Variants in STYK1 observed in about 807,000 individuals in gnomAD.
STYK1 encodes STY kinase 1.
Under a neutral mutation model 48.1 loss-of-function variants are expected in STYK1, and 46 were observed. The ratio of observed to expected loss-of-function variants is 0.96; its 90% CI spans 0.75 to 1.22. The LOEUF (loss-of-function observed/expected upper bound fraction) is 1.22. Ranked by LOEUF, STYK1 falls within the 50% of genes most tolerant of loss-of-function variation. The pLI is 0.00. For synonymous variants in STYK1, 188 were observed against 189.0 expected (o/e 0.99, Z 0.04); for missense variants, 527 against 521.1 (o/e 1.01, Z -0.11).
At chr12:10,622,511 T>G in intron 9 of STYK1, 127 bp downstream of exon 9, 1 of 1,014,742 alleles carries the variant, frequency 9.9e-7, no homozygotes, top group Non-Finnish European at 1.5e-6. Context: ...TTAGATAACA[T>G]GTCAGTCCAT....
At chr12:10,660,372 A>G (rs1463349836) in intron 1 of STYK1, among the ~76,000 whole-genome samples, 1 of 152,196 alleles carries the variant, frequency 6.6e-6, no homozygotes, top group African/African-American at 2.4e-5. Context: ...AGGTATCAAT[A>G]TCATTGCCAC....
chr12:10,627,834 A>T, intron 6 of STYK1, 110 bp from the exon 7 acceptor site: 1 of 875,154 alleles, frequency 1.1e-6, no homozygotes, highest in Non-Finnish European at 1.7e-6. Context: ...AAGCTTTGAA[A>T]AATATAAGGA....
At chr12:10,643,557 A>C (rs1947567724) in intron 1 of STYK1, among the ~76,000 whole-genome samples, 1 of 152,222 alleles carries the variant, frequency 6.6e-6, no homozygotes, top group Non-Finnish European at 1.5e-5. Flanking sequence ...ATTCACTCAG[A>C]TGTTAAATAA....
chr12:10,655,434 G>A (rs977430703), intron 1 of STYK1, among the ~76,000 whole-genome samples: 2 of 152,178 alleles, frequency 1.3e-5, no homozygotes, highest in Non-Finnish European at 2.9e-5. Flanking sequence ...AGAAGGCAAT[G>A]GAAACTTCCC....
Position 10,651,852 on chromosome 12 carries a change from T to C in STYK1, c.-194-14656A>G, listed in dbSNP as rs115696592. On this transcript the variant is annotated intron_variant, in intron 1 of 10. Transcript: ENST00000075503. ...TGTATCTACTTTTTTAAGTCTTAAA[T>C]TGTCAATTGTTCTATTCTTTTTTTT... Among the ~76,000 whole-genome samples the C allele has an allele frequency of 9.7e-3, 1,317 of 136,000 alleles. 19 individuals carry two copies. Among genetic ancestry groups the C allele is most frequent in the African/African-American group, 0.032 (1,235 of 38,746 alleles). 89.2% of individuals were successfully genotyped at this position (136,000 alleles called of 152,430 possible).
Position 10,619,941 on chromosome 12 carries a change from G to A in STYK1, c.*203C>T. On this transcript the variant is annotated 3_prime_UTR_variant, in exon 11 of 11. Coordinates refer to ENST00000075503, the MANE Select transcript of STYK1 (RefSeq NM_018423.3). ...TTTCTAGGACTGGGACAGCAGAAGT[G>A]AGACTGACAGTATGTCTTAGCTCAG... The A allele has an allele frequency of 3.2e-6, 2 of 628,478 alleles. No homozygotes were observed. Among genetic ancestry groups the A allele is most frequent in the Non-Finnish European group, 5.5e-6 (2 of 361,398 alleles). The allele number at this position is 628,478 out of a possible 1,614,324, so 38.9% of individuals were successfully genotyped here.
In STYK1 at chr12:10,620,071, C is replaced by A. The variant is rs1865880964; in HGVS notation, c.*73G>T. ...TCTCCCTTTGTGTCCCTGGGAAAGA[C>A]CATTCTCTGTTCTTAGAGGAATTGA... On this transcript the variant is annotated 3_prime_UTR_variant, in exon 11 of 11. Transcript: ENST00000075503. The A allele has an allele frequency of 5.2e-6, 8 of 1,528,520 alleles. No homozygotes were observed. The highest frequency in any genetic ancestry group is 6.3e-6 in the Non-Finnish European group (7 of 1,105,276). 94.7% of individuals were successfully genotyped at this position (1,528,520 alleles called of 1,614,324 possible). A position where few individuals can be genotyped will look rare whatever the true frequency, so the allele number is the denominator to read the frequency against.
intron 1 of STYK1, among the ~76,000 whole-genome samples, chr12:10,668,066 ATT>A (rs1947851153): frequency 6.6e-6 from 1 of 152,154 alleles, no homozygotes; most frequent in African/African-American, 2.4e-5. Context: ...AAACTATCTT[ATT>A]ATTATTCTGG....
chr12:10,629,744 G>A (rs1221348187), intron 5 of STYK1, 70 bp from the exon 6 acceptor site: 1 of 1,579,824 alleles, frequency 6.3e-7, no homozygotes, highest in South Asian at 1.1e-5. Context: ...CAGGGAGCAG[G>A]AGGCAACTTA....
At chr12:10,624,548 G>C in intron 8 of STYK1, 103 bp downstream of exon 8, 2 of 993,802 alleles carry the variant, frequency 2.0e-6, no homozygotes, top group Admixed American at 4.0e-5. Flanking sequence ...TTTCTAAGTA[G>C]AGATTATATT....
Position 10,621,939 on chromosome 12 carries a change from C to G in STYK1, c.1001G>C (p.Ser334Thr). Residue 334 changes from serine (S) to threonine (T), a missense_variant, in exon 10 of 11, where the codon AGC becomes ACC. Physicochemically the swap from Ser to Thr is moderately conservative, Grantham distance 58 (BLOSUM62 1). Coordinates refer to ENST00000075503, the MANE Select transcript of STYK1 (RefSeq NM_018423.3). ...APPYPEVPPTSILEHLQRRKI... is the reference protein window; with the variant it reads ...APPYPEVPPTTILEHLQRRKI... ...CCTTCTTTGGAGATGCTCTAGGATG[C>G]TGGTAGGAGGGACTTCAGGATACGG... is the stretch of plus-strand genomic sequence containing the variant. 2.5e-6 allele frequency: 4 copies of G among 1,613,856 alleles called. No homozygotes were observed. Among genetic ancestry groups the G allele is most frequent in the Non-Finnish European group, 3.4e-6 (4 of 1,179,826 alleles).
chr12:10,665,012 C>A (rs17742529), intron 1 of STYK1, among the ~76,000 whole-genome samples: 6 of 151,384 alleles, frequency 4.0e-5, no homozygotes, highest in African/African-American at 7.4e-5. Flanking sequence ...AGATGTGGGA[C>A]CTTCCAATCA....
At chr12:10,635,429 A>T (rs1947475857) in intron 2 of STYK1, among the ~76,000 whole-genome samples, 1 of 152,218 alleles carries the variant, frequency 6.6e-6, no homozygotes. Context: ...AACAGACAGC[A>T]TTTATCAATA....
chr12:10,624,830 A>G lies in STYK1; in HGVS notation c.747T>C (p.His249=), dbSNP rs201918672. The stretch of plus-strand genomic sequence containing the variant: ...GAATATTCCTGGCTGCCACATCCCC[A>G]TGGAACAAATGCTTCTCCTGCAGGA... ...LEFLQEKHLF[H]GDVAARNILM... is the part of the protein sequence containing the mutation. Residue 249 remains histidine (H), a synonymous_variant, in exon 8 of 11, where the codon CAT becomes CAC. Coordinates refer to ENST00000075503, the MANE Select transcript of STYK1 (RefSeq NM_018423.3). The G allele has an allele frequency of 1.1e-4, 171 of 1,614,164 alleles. 1 individual carries two copies. In the East Asian group the frequency reaches 3.8e-3, roughly 36 times the overall value.
chr12:10,658,876 G>T lies in STYK1; in HGVS notation c.-195+15090C>A, dbSNP rs558634205. ...CATAATATTATTGTGTGCCACAGAG[G>T]TAACCATATTTCCTTGTTAATCATG... On this transcript the variant is annotated intron_variant, in intron 1 of 10. Coordinates refer to ENST00000075503, the MANE Select transcript of STYK1 (RefSeq NM_018423.3). Among the ~76,000 whole-genome samples the T allele has an allele frequency of 8.3e-4, 126 of 152,246 alleles. 1 individual carries two copies. The South Asian group carries it at 9.3e-3, about 11-fold the overall frequency.
At chr12:10,660,438 G>C (rs1947764309) in intron 1 of STYK1, among the ~76,000 whole-genome samples, 1 of 152,090 alleles carries the variant, frequency 6.6e-6, no homozygotes, top group Non-Finnish European at 1.5e-5. Context: ...CAACCCTTAG[G>C]ATTAAGGGTC....
rs1865880900 is a variant in STYK1 at position 10,620,067 on chromosome 12, A to G, written c.*77T>C. On this transcript the variant is annotated 3_prime_UTR_variant, in exon 11 of 11. Transcript: ENST00000075503. ...CATTTCTCCCTTTGTGTCCCTGGGA[A>G]AGACCATTCTCTGTTCTTAGAGGAA... 2 of 1,516,914 alleles carry G rather than the reference A, an allele frequency of 1.3e-6. No homozygotes were observed. The highest frequency in any genetic ancestry group is 1.8e-6 in the Non-Finnish European group (2 of 1,095,738). The allele number at this position is 1,516,914 out of a possible 1,614,324, so 94.0% of individuals were successfully genotyped here.
chr12:10,634,715 TA>T (rs1291269639), intron 2 of STYK1, 29 bp from the exon 3 acceptor site: 16 of 1,394,214 alleles, frequency 1.1e-5, no homozygotes, highest in Admixed American at 2.0e-5. Flanking sequence ...TTGAAAAAAA[TA>T]AAATGAATGA....
chr12:10,634,606 G>T lies in STYK1; in HGVS notation c.13C>A (p.Arg5=). 6.2e-7 allele frequency: 1 copy of T among 1,614,050 alleles called. No individual in the cohort carries two copies. The highest frequency in any genetic ancestry group is 8.5e-7 in the Non-Finnish European group (1 of 1,180,004). ...CTGAGACTGCATTCCAGGAGCATCC[G>T]TGTCATGCCCATTGCCACAGGGCTG... MGMT[R]MLLECSLSDK... is the part of the protein sequence containing the mutation. The change falls in exon 3 of 11, where the codon CGG becomes AGG. Residue 5 remains arginine, a synonymous_variant. Transcript: ENST00000075503.
Sources: gnomAD v4.1 joint callset for allele counts (sites outside exome capture counted in the v4.1 genomes callset) on GRCh38, gnomAD v4.1.1 for gene constraint, MANE v1.5 for transcripts, NCBI Gene and HGNC (gene_info 2026-07-23, HGNC 2026-07-21) for gene names.